The following PTPRG variants were observed in gnomAD, a reference collection of about 807,000 sequenced individuals.
PTPRG encodes receptor-type tyrosine-protein phosphatase gamma.
PTPRG carries 102 observed loss-of-function variants against 165.3 expected under a neutral mutation model. That is an observed-to-expected ratio of 0.62 (90% CI 0.53 to 0.73). The LOEUF (loss-of-function observed/expected upper bound fraction) is 0.73. Among genes scored for constraint, PTPRG ranks in the 30% least tolerant of loss-of-function variants. The pLI is 0.00. For synonymous variants in PTPRG, 675 were observed against 669.5 expected (o/e 1.01, Z -0.13); for missense variants, 1,866 against 1,861.4 (o/e 1.00, Z -0.05).
chr3:61,779,378 G>A (rs1430764782), intron 2 of PTPRG, among the ~76,000 whole-genome samples: 1 of 152,190 alleles, frequency 6.6e-6, no homozygotes, highest in East Asian at 1.9e-4. Context: ...TAATTGGCTG[G>A]AAGAGTGTGA....
intron 1 of PTPRG, among the ~76,000 whole-genome samples, chr3:61,728,992 G>C (rs756225773): frequency 6.6e-6 from 1 of 151,944 alleles, no homozygotes; most frequent in Non-Finnish European, 1.5e-5. Flanking sequence ...AGTTTGGGAG[G>C]TTGAGGCTGC....
At chr3:62,073,405 T>C (rs1701273294) in intron 4 of PTPRG, among the ~76,000 whole-genome samples, 2 of 152,216 alleles carry the variant, frequency 1.3e-5, no homozygotes, top group Admixed American at 1.3e-4. Context: ...CTTAGCCACA[T>C]GATCAAGATA....
In PTPRG at chr3:62,267,720, A is replaced by T. The variant is rs1250987327; in HGVS notation, c.2775A>T (p.Gln925His). The change falls in exon 19 of 30, where the codon CAA becomes CAT. Residue 925 changes from glutamine to histidine, a missense_variant. Transcript: ENST00000474889. Reference sequence around the variant, plus strand: ...AAGCAAAAGCCTACATTGCCACCCAAGGACCTTTGAAGTCTACATTTGAAG... The same window carrying T: ...AAGCAAAAGCCTACATTGCCACCCATGGACCTTTGAAGTCTACATTTGAAG... ...YNKAKAYIAT[Q>H]GPLKSTFEDF... 6.2e-7 allele frequency: 1 copy of T among 1,613,508 alleles called. No homozygotes were observed.
intron 1 of PTPRG, among the ~76,000 whole-genome samples, chr3:61,623,068 T>C (rs1240724704): frequency 6.6e-6 from 1 of 152,190 alleles, no homozygotes; most frequent in Non-Finnish European, 1.5e-5. Context: ...CAAGCTGATA[T>C]CACAGGGTTT....
At chr3:61,961,480 T>C (rs2040150889) in intron 2 of PTPRG, among the ~76,000 whole-genome samples, 1 of 152,178 alleles carries the variant, frequency 6.6e-6, no homozygotes, top group African/African-American at 2.4e-5. Context: ...TTGATGTCTG[T>C]TTTCTTAGGG....
At chr3:62,204,758 A>T (rs950040695) in intron 12 of PTPRG, among the ~76,000 whole-genome samples, 1 of 152,132 alleles carries the variant, frequency 6.6e-6, no homozygotes, top group Admixed American at 6.5e-5. Flanking sequence ...TTGCTGTGGG[A>T]ATGAGCCAGT....
In PTPRG at chr3:62,038,681, A is replaced by G. The variant is rs144909243; in HGVS notation, c.519+35184A>G. Among the ~76,000 whole-genome samples, 12 of 152,152 alleles carry G rather than the reference A, an allele frequency of 7.9e-5. No individual in the cohort carries two copies. In the East Asian group the frequency reaches 2.3e-3, roughly 30 times the overall value. On this transcript the variant is annotated intron_variant, in intron 4 of 29. Coordinates refer to ENST00000474889, the MANE Select transcript of PTPRG (RefSeq NM_002841.4). ...AAAGTGCTGGGATTACAGGTGTCAG[A>G]CACCTTGCCCGGCCATGCTTTGTTT... is the stretch of plus-strand genomic sequence containing the variant.
At chr3:61,622,325 G>A (rs1395559837) in intron 1 of PTPRG, among the ~76,000 whole-genome samples, 1 of 152,208 alleles carries the variant, frequency 6.6e-6, no homozygotes, top group Non-Finnish European at 1.5e-5. Flanking sequence ...ACAAGGTAAA[G>A]AAGGGGGAGC....
chr3:61,711,893 CTTTTTTT>C lies in PTPRG; in HGVS notation c.86-36974_86-36968del, dbSNP rs34377397. Among the ~76,000 whole-genome samples the C allele has an allele frequency of 2.9e-5, 4 of 136,036 alleles. No homozygotes were observed. In the Admixed American group the frequency reaches 3.1e-4, roughly 11 times the overall value. 89.2% of individuals were successfully genotyped at this position (136,036 alleles called of 152,430 possible). A position where few individuals can be genotyped will look rare whatever the true frequency, so the allele number is the denominator to read the frequency against. ...ACAAAGTTAGTGATGTTATTATAGT[CTTTTTTT>C]TTTTTTTTTTGAGACGGAGTTTCAC... On this transcript the variant is annotated intron_variant, in intron 1 of 29. Transcript: ENST00000474889.
chr3:62,065,078 A>G (rs1238034101), intron 4 of PTPRG, among the ~76,000 whole-genome samples: 1 of 119,730 alleles, frequency 8.4e-6, no homozygotes, highest in Non-Finnish European at 1.8e-5. Context: ...ATCCAATGGT[A>G]AAAAATAAGA....
intron 13 of PTPRG, among the ~76,000 whole-genome samples, chr3:62,227,246 G>C (rs1376976092): frequency 6.6e-6 from 1 of 152,172 alleles, no homozygotes; most frequent in Non-Finnish European, 1.5e-5. Context: ...TCACCCATCT[G>C]CTCTAGCGGC....
chr3:62,058,141 T>C (rs1411592530), intron 4 of PTPRG, among the ~76,000 whole-genome samples: 3 of 152,186 alleles, frequency 2.0e-5, no homozygotes, highest in African/African-American at 7.2e-5. Context: ...TCCAGCCTTA[T>C]TGCGTTTCTC....
intron 2 of PTPRG, among the ~76,000 whole-genome samples, chr3:61,865,629 C>G (rs780904818): frequency 2.0e-5 from 3 of 152,198 alleles, no homozygotes; most frequent in Non-Finnish European, 4.4e-5. Flanking sequence ...CTTGGTCTCT[C>G]CACCTGCCGA....
chr3:61,726,357 G>A (rs2032255058), intron 1 of PTPRG, among the ~76,000 whole-genome samples: 1 of 152,102 alleles, frequency 6.6e-6, no homozygotes, highest in Non-Finnish European at 1.5e-5. Flanking sequence ...TGGGTTAATG[G>A]TTGAAAATAC....
chr3:61,562,919 C>T (rs566025281), intron 1 of PTPRG, among the ~76,000 whole-genome samples: 1 of 152,046 alleles, frequency 6.6e-6, no homozygotes, highest in African/African-American at 2.4e-5. Flanking sequence ...GTGTGGGGAG[C>T]AGCCTGCGTT....
intron 1 of PTPRG, among the ~76,000 whole-genome samples, chr3:61,644,083 A>G (rs1702135311): frequency 6.6e-6 from 1 of 152,186 alleles, no homozygotes; most frequent in African/African-American, 2.4e-5. Context: ...AGATGTGTGA[A>G]TATTAAGTTA....
chr3:61,775,194 C>T (rs1283236712), intron 2 of PTPRG, among the ~76,000 whole-genome samples: 2 of 152,092 alleles, frequency 1.3e-5, no homozygotes, highest in East Asian at 1.9e-4. Flanking sequence ...CCTTGCTCTC[C>T]TGAGCAGCTG....
intron 1 of PTPRG, among the ~76,000 whole-genome samples, chr3:61,683,071 A>G (rs1017519752): frequency 2.0e-5 from 3 of 152,202 alleles, no homozygotes. Flanking sequence ...ACAAAGCTCA[A>G]GGTGTCTTGC....
chr3:61,791,789 G>C (rs1361214617), intron 2 of PTPRG, among the ~76,000 whole-genome samples: 1 of 152,194 alleles, frequency 6.6e-6, no homozygotes, highest in African/African-American at 2.4e-5. Context: ...GGCCCGGCCT[G>C]TTTCTAATAA....
Sources: gnomAD v4.1 joint callset for allele counts (sites outside exome capture counted in the v4.1 genomes callset) on GRCh38, gnomAD v4.1.1 for gene constraint, MANE v1.5 for transcripts, NCBI Gene and HGNC (gene_info 2026-07-23, HGNC 2026-07-21) for gene names.